Variants in AHRR observed in about 807,000 individuals in gnomAD.
AHRR encodes aryl hydrocarbon receptor repressor.
In AHRR, 28 loss-of-function variants were observed where a neutral mutation model predicts 44.0. The ratio of observed to expected loss-of-function variants is 0.64; its 90% CI spans 0.47 to 0.87. The LOEUF is 0.87. AHRR is among the 40% of genes least tolerant of loss of function. The pLI, the probability that AHRR is intolerant of heterozygous loss-of-function variation, is 0.00. For synonymous variants in AHRR, 434 were observed against 407.0 expected, an observed-to-expected ratio of 1.07 and a Z score of -0.80; for missense variants, 990 against 953.9, an observed-to-expected ratio of 1.04 and a Z score of -0.50.
chr5:354,042 G>A (rs1357469603), intron 3 of AHRR, 131 bp downstream of exon 3: 8 of 977,828 alleles, frequency 8.2e-6, no homozygotes, highest in African/African-American at 4.9e-5. Context: ...CTTCCCCCAC[G>A]CTGCCCCCAG....
intron 4 of AHRR, among the ~76,000 whole-genome samples, chr5:398,874 G>A (rs1165547708): frequency 6.6e-6 from 1 of 152,180 alleles, no homozygotes; most frequent in Non-Finnish European, 1.5e-5. Flanking sequence ...GCCCCCGTCT[G>A]TTCTGGGTGG....
At chr5:353,272 A>C (rs1266518815) in intron 2 of AHRR, among the ~76,000 whole-genome samples, 5 of 152,046 alleles carry the variant, frequency 3.3e-5, no homozygotes, top group African/African-American at 4.8e-5. Context: ...GGACCTTTTC[A>C]TGTTTCCTGG....
rs1257123291 is a variant in AHRR, at chr5:370,680, G to A, written c.245-5930G>A. 6.6e-6 allele frequency among the ~76,000 whole-genome samples: 1 copy of A among 150,722 alleles called. No homozygotes were observed. Among genetic ancestry groups the A allele is most frequent in the African/African-American group, 2.4e-5 (1 of 40,918 alleles). Reference sequence around the variant, plus strand: ...GGGGACAGTCCATGGGAAGGCACAGGTGATGGGGTTGGGGACAGGTCTCGG... The same window carrying A: ...GGGGACAGTCCATGGGAAGGCACAGATGATGGGGTTGGGGACAGGTCTCGG... On this transcript the variant is annotated intron_variant, in intron 3 of 10. Coordinates refer to ENST00000684583, the MANE Select transcript of AHRR (RefSeq NM_001377236.1). The surrounding 1 kb of genome is among the most constrained non-coding windows in gnomAD (Gnocchi z 4.5).
chr5:423,294 C>G (rs573826834), intron 6 of AHRR, among the ~76,000 whole-genome samples: 1 of 152,294 alleles, frequency 6.6e-6, no homozygotes, highest in African/African-American at 2.4e-5. Flanking sequence ...CACAGAAGAC[C>G]CCTGCACAGG....
intron 1 of AHRR, among the ~76,000 whole-genome samples, chr5:325,870 C>T (rs1208407466): frequency 6.6e-6 from 1 of 152,136 alleles, no homozygotes; most frequent in Non-Finnish European, 1.5e-5. Context: ...TCTACCTCCA[C>T]CTCCTGGGTT....
intron 1 of AHRR, among the ~76,000 whole-genome samples, chr5:335,352 T>C (rs1249503691): frequency 1.3e-5 from 2 of 152,002 alleles, no homozygotes; most frequent in Non-Finnish European, 2.9e-5. Context: ...TCGGCTGTGC[T>C]GGCCAGCCTC....
chr5:427,645 G>A lies in AHRR; in HGVS notation c.709-162G>A, dbSNP rs187995716. On this transcript the variant is annotated intron_variant, in intron 7 of 10. Coordinates refer to ENST00000684583, the MANE Select transcript of AHRR (RefSeq NM_001377236.1). Reference sequence around the variant, plus strand: ...ATCGAATCACTCTGCAGGCCCGGGGGTCACAGGCTTGGCAGCTGCGGCTCT... The same window carrying A: ...ATCGAATCACTCTGCAGGCCCGGGGATCACAGGCTTGGCAGCTGCGGCTCT... 1.5e-3 allele frequency: 2,341 copies of A among 1,613,428 alleles called. 8 individuals are homozygous for A. The highest frequency in any genetic ancestry group is 7.5e-3 in the South Asian group (687 of 91,054).
chr5:355,153 C>G (rs1371247097), intron 3 of AHRR, among the ~76,000 whole-genome samples: 3 of 152,178 alleles, frequency 2.0e-5, no homozygotes, highest in Non-Finnish European at 4.4e-5. Flanking sequence ...TCCTGGTGCC[C>G]AGGGCTGCTG....
At chr5:333,566 A>C (rs879597376) in intron 1 of AHRR, among the ~76,000 whole-genome samples, 2 of 152,218 alleles carry the variant, frequency 1.3e-5, no homozygotes, top group Non-Finnish European at 2.9e-5. Context: ...ACTGCACTCC[A>C]GCCTGGGTGA....
intron 3 of AHRR, among the ~76,000 whole-genome samples, chr5:365,824 C>G (rs1743341782): frequency 6.6e-6 from 1 of 151,914 alleles, no homozygotes; most frequent in South Asian, 2.1e-4. Flanking sequence ...AAATAGAAAA[C>G]CTGAATGTCG....
Position 340,702 on chromosome 5 carries a change from T to A in AHRR, c.-10-3191T>A, listed in dbSNP as rs1407847981. Among the ~76,000 whole-genome samples, 313 of 58,306 alleles carry A rather than the reference T, an allele frequency of 5.4e-3. 10 individuals carry two copies. Among genetic ancestry groups the A allele is most frequent in the Non-Finnish European group, 8.6e-3 (234 of 27,156 alleles). The allele number at this position is 58,306 out of a possible 152,430, so 38.3% of individuals were successfully genotyped here. ...TATATATATATATTTTTTTTTTTTT[T>A]TTTTTTTTTTTGAGTTGGAGTTTTG... On this transcript the variant is annotated intron_variant, in intron 1 of 10. Transcript: ENST00000684583.
intron 4 of AHRR, among the ~76,000 whole-genome samples, chr5:407,875 C>T (rs1735330437): frequency 1.3e-5 from 2 of 152,186 alleles, no homozygotes; most frequent in African/African-American, 4.8e-5. Context: ...CCTGGGTTTT[C>T]CTGATGTACT....
chr5:344,941 TG>T lies in AHRR; in HGVS notation c.62+985del, dbSNP rs1220298708. ...GTGGAGGGCTGTGGGGAGCTGTGTGTGGGGGGGGTGTGTGTGTGAGGTTGGG... is the reference window on the plus strand; with the variant it reads ...GTGGAGGGCTGTGGGGAGCTGTGTGTGGGGGGGTGTGTGTGTGAGGTTGGG... On this transcript the variant is annotated intron_variant, in intron 2 of 10. Transcript: ENST00000684583. Among the ~76,000 whole-genome samples the T allele has an allele frequency of 2.3e-3, 60 of 26,332 alleles. 2 individuals are homozygous for T. Among genetic ancestry groups the T allele is most frequent in the East Asian group, 0.013 (16 of 1,262 alleles). 17.3% of individuals were successfully genotyped at this position (26,332 alleles called of 152,430 possible).
At chr5:421,221 G>A (rs1193194635) in intron 5 of AHRR, 12 of 682,052 alleles carry the variant, frequency 1.8e-5, no homozygotes, top group Non-Finnish European at 2.7e-5. Flanking sequence ...CGGCCTCCTC[G>A]TCGGCAACGC....
At chr5:415,048 G>A (rs994313687) in intron 5 of AHRR, among the ~76,000 whole-genome samples, 8 of 152,354 alleles carry the variant, frequency 5.3e-5, no homozygotes, top group African/African-American at 1.7e-4. Flanking sequence ...GGCCATGGCC[G>A]GGGCAGTGGA....
Position 324,008 on chromosome 5 carries a change from T to C in AHRR, c.-11+2189T>C, listed in dbSNP as rs1383796029. ...TCCTACCTTCCTTTCTTTTTTTCTC[T>C]TTCTTTCTTTCTTTCTCTCTCTCTC... On this transcript the variant is annotated intron_variant, in intron 1 of 10. Transcript: ENST00000684583. Among the ~76,000 whole-genome samples the C allele has an allele frequency of 1.8e-3, 168 of 95,272 alleles. 16 individuals carry two copies. The highest frequency in any genetic ancestry group is 6.6e-3 in the African/African-American group (152 of 23,034). 62.5% of individuals were successfully genotyped at this position (95,272 alleles called of 152,430 possible).
chr5:339,400 T>A lies in AHRR; in HGVS notation c.-10-4493T>A, dbSNP rs553481773. On this transcript the variant is annotated intron_variant, in intron 1 of 10. Transcript: ENST00000684583. ...CCTCCCAAAGTGCTGGGATTATAGG[T>A]GTGAGCCACTTCACTCAGCCTTTTT... Among the ~76,000 whole-genome samples, 40 of 152,348 alleles carry A rather than the reference T, an allele frequency of 2.6e-4. No individual in the cohort carries two copies. In the South Asian group the frequency reaches 7.9e-3, roughly 30 times the overall value.
rs2126559888 is a variant in AHRR at position 437,252 on chromosome 5, T to C, written c.*2418T>C. The C allele has an allele frequency of 6.6e-6, 1 of 152,478 alleles. No homozygotes were observed. Among genetic ancestry groups the C allele is most frequent in the East Asian group, 1.9e-4 (1 of 5,318 alleles). The allele number at this position is 152,478 out of a possible 1,614,324, so 9.4% of individuals were successfully genotyped here. A position where few individuals can be genotyped will look rare whatever the true frequency, so the allele number is the denominator to read the frequency against. On this transcript the variant is annotated 3_prime_UTR_variant, in exon 11 of 11. Coordinates refer to ENST00000684583, the MANE Select transcript of AHRR (RefSeq NM_001377236.1). ...GTCTCAATCAACATGCATGTTCCAC[T>C]CTTGGAGTTCCCTGTTCTGAGGGCC...
rs986499809 is a variant in AHRR at position 383,111 on chromosome 5, G to T, written c.351+6395G>T. Among the ~76,000 whole-genome samples, 16 of 152,166 alleles carry T rather than the reference G, an allele frequency of 1.1e-4. No homozygotes were observed. Among genetic ancestry groups the T allele is most frequent in the Non-Finnish European group, 1.6e-4 (11 of 68,014 alleles). ...TGCTATTGAATTCTGGCTCAATTTT[G>T]TTATGGTCAGAGAATATACTTTTTA... On this transcript the variant is annotated intron_variant, in intron 4 of 10. Coordinates refer to ENST00000684583, the MANE Select transcript of AHRR (RefSeq NM_001377236.1). The surrounding 1 kb of genome is among the most constrained non-coding windows in gnomAD (Gnocchi z 4.0).
Sources: allele counts gnomAD v4.1 joint callset (sites outside exome capture counted in the v4.1 genomes callset), GRCh38; gene constraint gnomAD v4.1.1; non-coding constraint Gnocchi (gnomAD v3.1); transcripts MANE v1.5; gene names NCBI Gene and HGNC (gene_info 2026-07-23, HGNC 2026-07-21).